AMHR2: variants seen among roughly 807,000 people sequenced by gnomAD.
The protein encoded by AMHR2 is anti-Mullerian hormone receptor type 2.
Under a neutral mutation model 61.4 loss-of-function variants are expected in AMHR2, and 36 were observed. The observed-to-expected ratio is 0.59, with a 90% CI of 0.45 to 0.77. The LOEUF (loss-of-function observed/expected upper bound fraction) is 0.77, where lower values mean the gene tolerates loss of function less well. Ranked by LOEUF, AMHR2 falls within the 30% of genes least tolerant of loss-of-function variation. The pLI, the probability that AMHR2 is intolerant of heterozygous loss-of-function variation, is 0.00. For synonymous variants in AMHR2, 258 were observed against 279.4 expected (o/e 0.92, Z 0.76); for missense variants, 638 against 714.6 (o/e 0.89, Z 1.22).
chr12:53,424,096 G>T, intron 1 of AMHR2, 113 bp downstream of exon 1: 1 of 1,400,632 alleles, frequency 7.1e-7, no homozygotes, highest in Non-Finnish European at 1.0e-6. Context: ...GGTGAGTAAG[G>T]GTGAAGGATA....
chr12:53,427,959 G>GCA (rs1939759578), intron 6 of AMHR2, among the ~76,000 whole-genome samples: 1 of 152,146 alleles, frequency 6.6e-6, no homozygotes, highest in Non-Finnish European at 1.5e-5. Flanking sequence ...TCCACCACCT[G>GCA]TTTCAGAGCC....
At position 53,424,725 on chromosome 12, in the gene AMHR2, T is replaced by A. The variant is rs746378444; in HGVS notation, c.249T>A (p.Asp83Glu). ...TCCCATCAGGATGCCGAGACAGTGA[T>A]GAGCCAGGCTGTGAGTCCCTCCACT... ...QVEMQGCRDS[D>E]EPGCESLHCD... The change falls in exon 3 of 11, where the codon GAT (aspartate) becomes GAA (glutamate). Residue 83 changes from aspartate to glutamate, a missense_variant. Physicochemically the swap from Asp to Glu is conservative, Grantham distance 45. Coordinates refer to ENST00000257863, the MANE Select transcript of AMHR2 (RefSeq NM_020547.3). 6.2e-7 allele frequency: 1 copy of A among 1,613,756 alleles called. No homozygotes were observed. Among genetic ancestry groups the A allele is most frequent in the Admixed American group, 1.7e-5 (1 of 59,966 alleles).
Position 53,429,772 on chromosome 12 carries a change from T to C in AMHR2, c.1141-59T>C, listed in dbSNP as rs1939949430. On this transcript the variant is annotated intron_variant, in intron 8 of 10. Transcript: ENST00000257863. ...AGTTGGGGGGATATTGCATGGACCA[T>C]TGCTGCAATGAGGATTGCCACAGAG... is the stretch of plus-strand genomic sequence containing the variant. 1.9e-6 allele frequency: 3 copies of C among 1,612,242 alleles called. No individual in the cohort carries two copies. The African/African-American group carries it at 4.0e-5, about 22-fold the overall frequency.
rs776292420 is a variant in AMHR2 at position 53,425,765 on chromosome 12, C to A, written c.698C>A (p.Pro233Gln). 9 of 1,614,064 alleles carry A rather than the reference C, an allele frequency of 5.6e-6. No individual in the cohort carries two copies. Reference sequence around the variant, plus strand: ...AAACTGGTTGCCATCAAGGCCTTCCCACCGAGGTCTGTGGCTCAGTTCCAA... The same window carrying A: ...AAACTGGTTGCCATCAAGGCCTTCCAACCGAGGTCTGTGGCTCAGTTCCAA... Reference protein sequence around the residue: ...QGKLVAIKAFPPRSVAQFQAE... With the variant: ...QGKLVAIKAFQPRSVAQFQAE... Residue 233 changes from proline (P) to glutamine (Q), a missense_variant, in exon 6 of 11, where the codon CCA (proline) becomes CAA (glutamine). Pro to Gln is a moderately conservative substitution (Grantham distance 76). Transcript: ENST00000257863.
chr12:53,428,958 AC>A lies in AMHR2; in HGVS notation c.916del (p.Leu306CysfsTer29), dbSNP rs1420701504. The stretch of plus-strand genomic sequence containing the variant: ...ACTGGGGAAGTTCCCTGCGGATGGC[AC>A]TGTCCCTGGCCCAGGGCCTGGCATT... ...SDWGSSLRMA[L>X]SLAQGLAFLH... On this transcript the variant is annotated frameshift_variant, in exon 7 of 11. Transcript: ENST00000257863. LOFTEE classifies it high-confidence loss of function. The A allele has an allele frequency of 1.3e-6, 2 of 1,551,580 alleles. No individual in the cohort carries two copies. The highest frequency in any genetic ancestry group is 3.9e-5 in the Admixed American group (2 of 51,008).
At chr12:53,429,677 T>C in intron 8 of AMHR2, 52 bp downstream of exon 8, 1 of 1,606,928 alleles carries the variant, frequency 6.2e-7, no homozygotes, top group Non-Finnish European at 8.5e-7. Context: ...GTGCTGCTGA[T>C]GGCAATGCAG....
chr12:53,424,562 T>C, intron 2 of AMHR2, 92 bp downstream of exon 2: 1 of 1,558,438 alleles, frequency 6.4e-7, no homozygotes, highest in Non-Finnish European at 8.8e-7. Context: ...AGGGGAGAAA[T>C]AGAACATCTG....
chr12:53,424,260 C>A (rs2136939502), intron 1 of AMHR2, 28 bp from the exon 2 acceptor site: 1 of 1,612,128 alleles, frequency 6.2e-7, no homozygotes, highest in Middle Eastern at 2.2e-4. Flanking sequence ...CACCTTGAAT[C>A]TTTTCCTTTC....
At chr12:53,426,700 G>C (rs1047845461) in intron 6 of AMHR2, among the ~76,000 whole-genome samples, 3 of 151,526 alleles carry the variant, frequency 2.0e-5, no homozygotes, top group Non-Finnish European at 2.9e-5. Context: ...ATTTTGGTGG[G>C]AGGACGGAGT....
chr12:53,426,056 C>A, intron 6 of AMHR2, 137 bp downstream of exon 6: 1 of 979,790 alleles, frequency 1.0e-6, no homozygotes, highest in Non-Finnish European at 1.6e-6. Context: ...AATGGCCAGG[C>A]GAGGTGGCCC....
rs775542507 is a variant in AMHR2 at position 53,425,182 on chromosome 12, G to A, written c.442G>A (p.Ala148Thr). 9.3e-6 allele frequency: 15 copies of A among 1,613,772 alleles called. No homozygotes were observed. The East Asian group carries it at 2.9e-4, about 31-fold the overall frequency. Reference protein sequence around the residue: ...QAAPGESIWMALVLLGLFLLL... With the variant: ...QAAPGESIWMTLVLLGLFLLL... ...ATGTCCAGGTGAGTCCATCTGGATG[G>A]CACTGGTGCTGCTGGGGCTGTTCCT... Residue 148 changes from alanine (A) to threonine (T), a missense_variant, in exon 4 of 11, where the codon GCA becomes ACA. Coordinates refer to ENST00000257863, the MANE Select transcript of AMHR2 (RefSeq NM_020547.3).
In AMHR2 at chr12:53,423,857, A is replaced by G; in HGVS notation, c.-78A>G. The G allele has an allele frequency of 1.3e-6, 2 of 1,513,066 alleles. No individual in the cohort carries two copies. Among genetic ancestry groups the G allele is most frequent in the Non-Finnish European group, 1.8e-6 (2 of 1,090,598 alleles). 93.7% of individuals were successfully genotyped at this position (1,513,066 alleles called of 1,614,324 possible). A position where few individuals can be genotyped will look rare whatever the true frequency, so the allele number is the denominator to read the frequency against. On this transcript the variant is annotated 5_prime_UTR_variant, in exon 1 of 11. Transcript: ENST00000257863. ...GATCAGAAGCCCCAGGATGCCCTGT[A>G]TCTGAAGAAAGATTTGGCCAGGGGC...
At position 53,429,520 on chromosome 12, in the gene AMHR2, A is replaced by G; in HGVS notation, c.1035A>G (p.Gly345=). Residue 345 remains glycine, a synonymous_variant, in exon 8 of 11, where the codon GGA becomes GGG. Transcript: ENST00000257863. ...SSQNVLIRED[G]SCAIGDLGLA... The stretch of plus-strand genomic sequence containing the variant: ...AGAATGTGCTCATTCGGGAAGATGG[A>G]TCGTGTGCCATTGGAGACCTGGGCC... 1 of 1,613,122 alleles carries G rather than the reference A, an allele frequency of 6.2e-7. No individual in the cohort carries two copies. Among genetic ancestry groups the G allele is most frequent in the Non-Finnish European group, 8.5e-7 (1 of 1,179,890 alleles).
chr12:53,430,890 TC>T, intron 10 of AMHR2: 1 of 511,642 alleles, frequency 2.0e-6, no homozygotes, highest in Admixed American at 3.2e-5. Flanking sequence ...AGACTCTGGC[TC>T]TCTGAGAGGA....
chr12:53,427,744 A>G (rs1231734747), intron 6 of AMHR2, among the ~76,000 whole-genome samples: 1 of 152,148 alleles, frequency 6.6e-6, no homozygotes, highest in Non-Finnish European at 1.5e-5. Context: ...TACCCTTCAC[A>G]AACACATTAT....
At chr12:53,427,690 A>C (rs1455251465) in intron 6 of AMHR2, among the ~76,000 whole-genome samples, 2 of 152,154 alleles carry the variant, frequency 1.3e-5, no homozygotes, top group African/African-American at 4.8e-5. Context: ...GGCGTGAGCC[A>C]CCCCGCCCGG....
At chr12:53,429,646 G>A in intron 8 of AMHR2, 21 bp downstream of exon 8, 1 of 1,612,868 alleles carries the variant, frequency 6.2e-7, no homozygotes, top group Non-Finnish European at 8.5e-7. Context: ...TGGATAACTG[G>A]TGAGGCCCAG....
chr12:53,430,172 G>A lies in AMHR2; in HGVS notation c.1315G>A (p.Ala439Thr). The change falls in exon 10 of 11, where the codon GCC becomes ACC. Residue 439 changes from alanine to threonine, a missense_variant. Ala to Thr is a moderately conservative substitution (Grantham distance 58, BLOSUM62 0). Coordinates refer to ENST00000257863, the MANE Select transcript of AMHR2 (RefSeq NM_020547.3). ...CAGCAGTCCACCACCCTTCCAACTG[G>A]CCTATGAGGCAGAACTGGGCAATAC... The part of the protein sequence containing the change: ...PDSSPPPFQL[A>T]YEAELGNTPT... 6.2e-7 allele frequency: 1 copy of A among 1,614,108 alleles called. No individual in the cohort carries two copies. Among genetic ancestry groups the A allele is most frequent in the African/African-American group, 1.3e-5 (1 of 75,002 alleles).
Position 53,429,869 on chromosome 12 carries a change from C to T in AMHR2, c.1179C>T (p.Asp393=), listed in dbSNP as rs1279553452. 6.8e-6 allele frequency: 11 copies of T among 1,614,200 alleles called. No individual in the cohort carries two copies. Among genetic ancestry groups the T allele is most frequent in the Non-Finnish European group, 9.3e-6 (11 of 1,180,038 alleles). Residue 393 remains aspartate, a synonymous_variant, in exon 9 of 11, where the codon GAC becomes GAT. Transcript: ENST00000257863. ...GGTACATGGCACCAGAGCTCTTGGA[C>T]AAGACTCTGGACCTACAGGATTGGG... The part of the protein sequence containing the change: ...TQRYMAPELL[D]KTLDLQDWGM...
Sources: allele counts gnomAD v4.1 joint callset (sites outside exome capture counted in the v4.1 genomes callset), GRCh38; gene constraint gnomAD v4.1.1; transcripts MANE v1.5; gene names NCBI Gene and HGNC (gene_info 2026-07-23, HGNC 2026-07-21).